Variants in STK36 observed in about 807,000 individuals in gnomAD.
The protein encoded by STK36 is serine/threonine kinase 36, also known as serine/threonine-protein kinase 36.
In STK36, 116 loss-of-function variants were observed where a neutral mutation model predicts 142.2. The observed-to-expected ratio is 0.82, with a 90% CI of 0.70 to 0.95. The LOEUF (loss-of-function observed/expected upper bound fraction) is 0.95, where lower values mean the gene tolerates loss of function less well. Ranked by LOEUF, STK36 falls within the 40% of genes least tolerant of loss-of-function variation. STK36 has a pLI of 0.00. For missense variants in STK36, 1,422 were observed against 1,617.2 expected, an observed-to-expected ratio of 0.88 and a Z score of 2.07; for synonymous variants, 619 against 641.7, an observed-to-expected ratio of 0.96 and a Z score of 0.53.
intron 12 of STK36, among the ~76,000 whole-genome samples, 184 bp downstream of exon 12, chr2:218,689,060 T>C (rs1183714452): frequency 6.6e-6 from 1 of 152,202 alleles, no homozygotes; most frequent in Non-Finnish European, 1.5e-5. Flanking sequence ...AGGTCTGCCA[T>C]GAAGTAGGCT....
chr2:218,699,223 G>A lies in STK36; in HGVS notation c.3679G>A (p.Glu1227Lys). 3 of 1,613,958 alleles carry A rather than the reference G, an allele frequency of 1.9e-6. 1 individual carries two copies. The highest frequency in any genetic ancestry group is 2.2e-5 in the South Asian group (2 of 91,074). Reference protein sequence around the residue: ...GNLGPEGLGEELLQCEVPQRL... With the variant: ...GNLGPEGLGEKLLQCEVPQRL... ...CTTGGGACCTGAAGGTTTGGGAGAG[G>A]AGCTGTTACAGTGCGAAGTACCCCA... Residue 1227 changes from glutamate to lysine, a missense_variant, in exon 26 of 27, where the codon GAG becomes AAG. By Grantham distance (56) the Glu-to-Lys change is moderately conservative (BLOSUM62 1). Transcript: ENST00000295709.
At chr2:218,673,044 G>T (rs1437819323) in intron 2 of STK36, 131 bp downstream of exon 2, 27 of 749,794 alleles carry the variant, frequency 3.6e-5, no homozygotes, top group Non-Finnish European at 5.2e-5. Context: ...ACTTCTTATG[G>T]AGTATAAGCT....
chr2:218,699,594 T>A (rs1238075670), intron 26 of STK36, among the ~76,000 whole-genome samples: 5 of 152,124 alleles, frequency 3.3e-5, no homozygotes, highest in Non-Finnish European at 5.9e-5. Context: ...AGTTGATCTC[T>A]TCTAGAGGCT....
chr2:218,696,657 G>A (rs1941245104), intron 22 of STK36, 56 bp downstream of exon 22: 9 of 1,572,204 alleles, frequency 5.7e-6, no homozygotes, highest in Non-Finnish European at 7.0e-6. Context: ...TGGGCATTTT[G>A]GGGAGCCTCT....
At chr2:218,686,628 A>G (rs1452693818) in intron 11 of STK36, among the ~76,000 whole-genome samples, 1 of 152,094 alleles carries the variant, frequency 6.6e-6, no homozygotes, top group Non-Finnish European at 1.5e-5. Context: ...CGTTATATGG[A>G]TATATCACAT....
At chr2:218,672,344 G>T in intron 1 of STK36, 129 bp downstream of exon 1, 3 of 341,332 alleles carry the variant, frequency 8.8e-6, no homozygotes, top group Non-Finnish European at 1.6e-5. Context: ...GGCCTGAGGA[G>T]CTTGGAGCTC....
At position 218,679,675 on chromosome 2, in the gene STK36, G is replaced by A; in HGVS notation, c.894G>A (p.Gln298=). ...ATCGGTTGGCCCCCAAGGGTAATCAGTCTCGCATCTTGACTCAGGCCTATA... is the reference window on the plus strand; with the variant it reads ...ATCGGTTGGCCCCCAAGGGTAATCAATCTCGCATCTTGACTCAGGCCTATA... ...QAHRLAPKGN[Q]SRILTQAYKR... Residue 298 remains glutamine, a synonymous_variant, in exon 8 of 27, where the codon CAG becomes CAA. Coordinates refer to ENST00000295709, the MANE Select transcript of STK36 (RefSeq NM_015690.5). 6.2e-7 allele frequency: 1 copy of A among 1,614,208 alleles called. No individual in the cohort carries two copies. Among genetic ancestry groups the A allele is most frequent in the Non-Finnish European group, 8.5e-7 (1 of 1,180,054 alleles).
At chr2:218,673,852 A>G (rs1940104891) in intron 3 of STK36, 27 bp from the exon 4 acceptor site, 1 of 1,614,172 alleles carries the variant, frequency 6.2e-7, no homozygotes, top group Non-Finnish European at 8.5e-7. Flanking sequence ...ATCTGGAGCC[A>G]TCAGTGCCAC....
chr2:218,696,679 A>G (rs1941245807), intron 22 of STK36, 78 bp downstream of exon 22: 2 of 1,433,322 alleles, frequency 1.4e-6, no homozygotes, highest in Admixed American at 1.7e-5. Context: ...GACCAGAGGA[A>G]TGAAGAAGCA....
At chr2:218,672,582 G>T (rs1487046114) in intron 1 of STK36, among the ~76,000 whole-genome samples, 159 bp from the exon 2 acceptor site, 1 of 152,158 alleles carries the variant, frequency 6.6e-6, no homozygotes, top group Non-Finnish European at 1.5e-5. Flanking sequence ...GGGGACAGGA[G>T]GATGAAAGTG....
Position 218,702,105 on chromosome 2 carries a change from A to G in STK36, c.*96A>G, listed in dbSNP as rs887892432. ...AACTCAACTGAGAGCTAAAGAGACT[A>G]GAAAAGAGATAAGCTGCCAACTCAA... On this transcript the variant is annotated 3_prime_UTR_variant, in exon 27 of 27. Coordinates refer to ENST00000295709, the MANE Select transcript of STK36 (RefSeq NM_015690.5). 6.8e-7 allele frequency: 1 copy of G among 1,461,918 alleles called. No homozygotes were observed. Among genetic ancestry groups the G allele is most frequent in the African/African-American group, 1.4e-5 (1 of 70,762 alleles). The allele number at this position is 1,461,918 out of a possible 1,614,324, so 90.6% of individuals were successfully genotyped here. A position where few individuals can be genotyped will look rare whatever the true frequency, so the allele number is the denominator to read the frequency against.
chr2:218,679,183 C>G lies in STK36; in HGVS notation c.700C>G (p.Leu234Val), dbSNP rs1239458089. 6.2e-7 allele frequency: 1 copy of G among 1,614,044 alleles called. No homozygotes were observed. Among genetic ancestry groups the G allele is most frequent in the East Asian group, 2.2e-5 (1 of 44,900 alleles). ...CTCTCTGTAGAACTTCCTGCAGGGA[C>G]TGCTCACCAAAGACCCACGGCAGCG... ...SPCFKNFLQG[L>V]LTKDPRQRLS... Residue 234 changes from leucine (L) to valine (V), a missense_variant, in exon 7 of 27, where the codon CTG (leucine) becomes GTG (valine). Leu to Val is a conservative substitution (Grantham distance 32). Coordinates refer to ENST00000295709, the MANE Select transcript of STK36 (RefSeq NM_015690.5).
intron 25 of STK36, among the ~76,000 whole-genome samples, chr2:218,698,373 T>C (rs914206626): frequency 1.5e-4 from 23 of 152,116 alleles, no homozygotes; most frequent in African/African-American, 4.3e-4. Context: ...TCACAGTGGG[T>C]CTTTGAAGGC....
intron 11 of STK36, among the ~76,000 whole-genome samples, chr2:218,687,485 G>A (rs1940823270): frequency 6.6e-6 from 1 of 152,176 alleles, no homozygotes; most frequent in African/African-American, 2.4e-5. Context: ...TAATTGTCCT[G>A]GCACCATTTG....
Position 218,702,219 on chromosome 2 carries a change from T to C in STK36, c.*210T>C. 1.9e-6 allele frequency: 1 copy of C among 540,356 alleles called. No homozygotes were observed. Among genetic ancestry groups the C allele is most frequent in the Non-Finnish European group, 3.0e-6 (1 of 331,274 alleles). The allele number at this position is 540,356 out of a possible 1,614,324, so 33.5% of individuals were successfully genotyped here. A position where few individuals can be genotyped will look rare whatever the true frequency, so the allele number is the denominator to read the frequency against. ...GTTTTCAACCAGTAAATTTTATTGCTGTTGGTGCCAGAGAAGAGTCCTTTC... is the reference window on the plus strand; with the variant it reads ...GTTTTCAACCAGTAAATTTTATTGCCGTTGGTGCCAGAGAAGAGTCCTTTC... On this transcript the variant is annotated 3_prime_UTR_variant, in exon 27 of 27. Coordinates refer to ENST00000295709, the MANE Select transcript of STK36 (RefSeq NM_015690.5).
chr2:218,696,999 T>C, intron 22 of STK36, 40 bp from the exon 23 acceptor site: 2 of 1,611,198 alleles, frequency 1.2e-6, no homozygotes, highest in Non-Finnish European at 1.7e-6. Context: ...GATTCCTGAC[T>C]TCTGTCTTTC....
chr2:218,675,890 T>C, intron 5 of STK36, 139 bp from the exon 6 acceptor site: 1 of 1,078,488 alleles, frequency 9.3e-7, no homozygotes, highest in Non-Finnish European at 1.4e-6. Flanking sequence ...AGCTAGAGGC[T>C]GGGACTGCTG....
intron 25 of STK36, among the ~76,000 whole-genome samples, chr2:218,698,336 G>C (rs1389978483): frequency 6.6e-6 from 1 of 152,130 alleles, no homozygotes; most frequent in Non-Finnish European, 1.5e-5. Context: ...GTGGGTCTTT[G>C]TTCTTTTGTT....
intron 16 of STK36, 49 bp from the exon 17 acceptor site, chr2:218,693,191 G>A (rs768168874): frequency 2.7e-6 from 4 of 1,503,168 alleles, no homozygotes; most frequent in Non-Finnish European, 3.7e-6. Context: ...GTGAGGAATA[G>A]GGTTGTAATC....
Sources: allele counts gnomAD v4.1 joint callset (sites outside exome capture counted in the v4.1 genomes callset), GRCh38; gene constraint gnomAD v4.1.1; transcripts MANE v1.5; gene names NCBI Gene and HGNC (gene_info 2026-07-23, HGNC 2026-07-21).